ADAM12: variants seen among roughly 807,000 people sequenced by gnomAD.
ADAM12 encodes the protein ADAM metallopeptidase domain 12.
A neutral mutation model predicts 106.4 loss-of-function variants in ADAM12; 70 were observed. That is an observed-to-expected ratio of 0.66 (90% CI 0.54 to 0.80). The LOEUF is 0.80. Among genes scored for constraint, ADAM12 ranks in the 30% least tolerant of loss-of-function variants. ADAM12 has a pLI of 0.00. For missense variants in ADAM12, 1,010 were observed against 1,171.9 expected (o/e 0.86, Z 2.02); for synonymous variants, 420 against 433.5 (o/e 0.97, Z 0.39).
chr10:126,330,238 T>A (rs1440428498), intron 2 of ADAM12, among the ~76,000 whole-genome samples, 174 bp downstream of exon 2: 1 of 152,230 alleles, frequency 6.6e-6, no homozygotes, highest in East Asian at 1.9e-4. Flanking sequence ...ATCAGCACTG[T>A]CACATCAAAA....
chr10:126,291,927 G>A (rs2133781072), intron 2 of ADAM12, among the ~76,000 whole-genome samples: 1 of 152,140 alleles, frequency 6.6e-6, no homozygotes, highest in South Asian at 2.1e-4. Context: ...CTGGCTCTGG[G>A]ACAGAGACAT....
At chr10:126,368,148 T>A (rs141050613) in intron 1 of ADAM12, among the ~76,000 whole-genome samples, 1 of 151,896 alleles carries the variant, frequency 6.6e-6, no homozygotes, top group African/African-American at 2.4e-5. Context: ...TGTGTGTATG[T>A]GTATATATAA....
intron 8 of ADAM12, among the ~76,000 whole-genome samples, chr10:126,103,874 C>T (rs2133586140): frequency 6.6e-6 from 1 of 152,308 alleles, no homozygotes; most frequent in East Asian, 1.9e-4. Context: ...GCAGAGAGAG[C>T]AAAGATTTGG....
At chr10:126,283,668 T>G (rs1348493519) in intron 2 of ADAM12, among the ~76,000 whole-genome samples, 1 of 152,212 alleles carries the variant, frequency 6.6e-6, no homozygotes, top group East Asian at 1.9e-4. Flanking sequence ...CCTCCCTTTC[T>G]CTTGTCATTG....
At chr10:126,317,111 C>T (rs147137923) in intron 2 of ADAM12, among the ~76,000 whole-genome samples, 15 of 152,202 alleles carry the variant, frequency 9.9e-5, no homozygotes, top group East Asian at 5.8e-4. Flanking sequence ...GAAACATCAC[C>T]GCGAGTCCAT....
intron 3 of ADAM12, among the ~76,000 whole-genome samples, chr10:126,239,224 TAAC>T (rs1247686893): frequency 2.0e-5 from 3 of 152,170 alleles, no homozygotes; most frequent in African/African-American, 7.2e-5. Context: ...GTTTTCTAGA[TAAC>T]AGGTGGGATA....
intron 1 of ADAM12, among the ~76,000 whole-genome samples, chr10:126,340,285 T>C (rs1044725516): frequency 1.3e-5 from 2 of 152,202 alleles, no homozygotes; most frequent in Non-Finnish European, 2.9e-5. Context: ...GTGTTGAACA[T>C]AGATTACATA....
intron 2 of ADAM12, among the ~76,000 whole-genome samples, chr10:126,304,162 C>T (rs762866728): frequency 4.6e-5 from 7 of 151,976 alleles, no homozygotes; most frequent in Non-Finnish European, 1.0e-4. Context: ...GTGCCTCACA[C>T]AAACACCCAA....
intron 1 of ADAM12, among the ~76,000 whole-genome samples, chr10:126,371,708 G>T (rs1289982309): frequency 6.6e-6 from 1 of 152,206 alleles, no homozygotes; most frequent in Non-Finnish European, 1.5e-5. Flanking sequence ...CCACAAATGT[G>T]AGGTTCCTAT....
At chr10:126,265,438 C>G (rs1459347127) in intron 3 of ADAM12, among the ~76,000 whole-genome samples, 2 of 152,158 alleles carry the variant, frequency 1.3e-5, no homozygotes, top group African/African-American at 4.8e-5. Flanking sequence ...TGGGTGAAGT[C>G]TCAGGCAGAC....
intron 11 of ADAM12, among the ~76,000 whole-genome samples, chr10:126,092,807 C>A (rs1955490577): frequency 6.6e-6 from 1 of 152,194 alleles, no homozygotes; most frequent in Non-Finnish European, 1.5e-5. Context: ...CTGATGGCTC[C>A]CATGAAAGGA....
At chr10:126,234,031 G>A (rs11594840) in intron 3 of ADAM12, among the ~76,000 whole-genome samples, 28,350 of 152,172 alleles carry the variant, frequency 0.19, 3,015 homozygotes, top group South Asian at 0.31. Context: ...TAAGCTGGCT[G>A]TAGCCGGGCC....
At chr10:126,285,530 G>C (rs992646559) in intron 2 of ADAM12, among the ~76,000 whole-genome samples, 2 of 152,150 alleles carry the variant, frequency 1.3e-5, no homozygotes, top group African/African-American at 4.8e-5. Flanking sequence ...AATAGCTCTT[G>C]CTATTTGTAC....
intron 11 of ADAM12, among the ~76,000 whole-genome samples, chr10:126,086,701 ATAT>A (rs1180900309): frequency 3.0e-5 from 3 of 99,766 alleles, no homozygotes; most frequent in African/African-American, 8.6e-5. Flanking sequence ...ATATATATAT[ATAT>A]ATAAAATAAA....
At chr10:126,280,353 T>C (rs913534153) in intron 2 of ADAM12, among the ~76,000 whole-genome samples, 2 of 152,214 alleles carry the variant, frequency 1.3e-5, no homozygotes, top group Non-Finnish European at 2.9e-5. Context: ...TTCTAGTCTT[T>C]CTGTGTCTCT....
At chr10:126,250,395 C>CGT (rs377693145) in intron 3 of ADAM12, among the ~76,000 whole-genome samples, 4 of 151,764 alleles carry the variant, frequency 2.6e-5, no homozygotes, top group African/African-American at 9.7e-5. Flanking sequence ...AGTGTGTGAG[C>CGT]GTGTGTGTGT....
At chr10:126,214,847 G>A (rs1412187259) in intron 3 of ADAM12, among the ~76,000 whole-genome samples, 2 of 152,180 alleles carry the variant, frequency 1.3e-5, no homozygotes, top group East Asian at 3.9e-4. Flanking sequence ...CCTCGGCCCA[G>A]CCCACCTCTC....
At chr10:126,118,669 T>C (rs117361384) in intron 5 of ADAM12, among the ~76,000 whole-genome samples, 1,574 of 152,298 alleles carry the variant, frequency 0.01, 23 homozygotes, top group Non-Finnish European at 0.015. Flanking sequence ...CGTGGATAAA[T>C]TGTGTAATGG....
rs561072389 is a variant in ADAM12, at chr10:126,322,792, A to G, written c.186+7620T>C. On this transcript the variant is annotated intron_variant, in intron 2 of 22. Transcript: ENST00000448723. ...TCCATTTCTGCAGGTTCCAACATCC[A>G]CGGTTCTTCTCCTCCCACCATGCAT... 2.6e-5 allele frequency among the ~76,000 whole-genome samples: 4 copies of G among 152,302 alleles called. No homozygotes were observed. In the South Asian group the frequency reaches 6.2e-4, roughly 24 times the overall value.
Sources: gnomAD v4.1 joint callset for allele counts (sites outside exome capture counted in the v4.1 genomes callset) on GRCh38, gnomAD v4.1.1 for gene constraint, MANE v1.5 for transcripts, NCBI Gene and HGNC (gene_info 2026-07-23, HGNC 2026-07-21) for gene names.